ENTREP2: variants seen among roughly 807,000 people sequenced by gnomAD.
ENTREP2 encodes the protein endosomal transmembrane epsin interactor 2.
the ENTREP2 span, among the ~76,000 whole-genome samples, chr15:29,252,078 A>C: frequency 6.6e-6 from 1 of 152,250 alleles, no homozygotes; most frequent in Non-Finnish European, 1.5e-5. Context: ...GTTACTAAGG[A>C]TATTTATTCC....
the ENTREP2 span, among the ~76,000 whole-genome samples, chr15:29,475,578 G>T: frequency 1.3e-5 from 2 of 152,162 alleles, no homozygotes; most frequent in African/African-American, 4.8e-5. Context: ...GGAGGAGTAG[G>T]GGGCGAGGGG....
chr15:29,269,126 T>C, the ENTREP2 span: 1 of 1,614,134 alleles, frequency 6.2e-7, no homozygotes, highest in Non-Finnish European at 8.5e-7. Flanking sequence ...TCAGTTTCCT[T>C]GATGGTGTTG....
the ENTREP2 span, among the ~76,000 whole-genome samples, chr15:29,458,531 T>TC: frequency 6.6e-6 from 1 of 151,960 alleles, no homozygotes; most frequent in African/African-American, 2.4e-5. Context: ...TCTCAAAGCC[T>TC]CCCTGCCCCT....
chr15:29,320,658 G>C, the ENTREP2 span, among the ~76,000 whole-genome samples: 1 of 152,178 alleles, frequency 6.6e-6, no homozygotes, highest in Non-Finnish European at 1.5e-5. Flanking sequence ...GAACAGATGG[G>C]TGGTATAAGC....
the ENTREP2 span, among the ~76,000 whole-genome samples, chr15:29,507,303 T>G: frequency 1.3e-5 from 2 of 152,166 alleles, no homozygotes; most frequent in African/African-American, 4.8e-5. Context: ...CATGCAGTAA[T>G]AGTGGGAGAA....
the ENTREP2 span, among the ~76,000 whole-genome samples, chr15:29,433,759 C>T: frequency 3.8e-4 from 53 of 139,956 alleles, no homozygotes; most frequent in African/African-American, 1.4e-3. Flanking sequence ...CTCTCAGACA[C>T]CAAACACAGA....
At chr15:29,547,769 C>T in the ENTREP2 span, among the ~76,000 whole-genome samples, 2 of 152,144 alleles carry the variant, frequency 1.3e-5, no homozygotes, top group Non-Finnish European at 2.9e-5. Flanking sequence ...AATCGGGGTC[C>T]AAGAGAGATA....
At chr15:29,235,032 C>A in the ENTREP2 span, 2 of 1,203,774 alleles carry the variant, frequency 1.7e-6, no homozygotes, top group East Asian at 2.3e-5. Flanking sequence ...TAGATAAATT[C>A]TCTTCTTCCC....
chr15:29,384,795 T>C, the ENTREP2 span, among the ~76,000 whole-genome samples: 1 of 151,974 alleles, frequency 6.6e-6, no homozygotes, highest in Admixed American at 6.6e-5. Context: ...ACTCTTCTTA[T>C]CCCTCAAGTT....
At chr15:29,567,453 T>G in the ENTREP2 span, among the ~76,000 whole-genome samples, 1 of 152,210 alleles carries the variant, frequency 6.6e-6, no homozygotes, top group Non-Finnish European at 1.5e-5. Context: ...TTAGCAGGAG[T>G]TTGGCCTCTA....
chr15:29,394,489 A>G, the ENTREP2 span, among the ~76,000 whole-genome samples: 4 of 152,346 alleles, frequency 2.6e-5, no homozygotes, highest in East Asian at 7.7e-4. Context: ...ACAGACCTGT[A>G]AAGAACAGAA....
the ENTREP2 span, among the ~76,000 whole-genome samples, chr15:29,244,244 T>TGAGG: frequency 6.6e-5 from 10 of 152,330 alleles, no homozygotes; most frequent in East Asian, 1.9e-3. Flanking sequence ...ACATGCATCT[T>TGAGG]GATTAAAAAA....
chr15:29,437,286 GA>G, the ENTREP2 span, among the ~76,000 whole-genome samples: 30 of 150,936 alleles, frequency 2.0e-4, no homozygotes, highest in South Asian at 4.4e-3. Context: ...CACATTTAAA[GA>G]AAAAAAACAT....
At chr15:29,136,356 C>T in the ENTREP2 span, 1 of 1,491,680 alleles carries the variant, frequency 6.7e-7, no homozygotes, top group Admixed American at 2.6e-5. Context: ...TCTGGGGCCC[C>T]AGGCCTCACC....
At chr15:29,236,462 A>G in the ENTREP2 span, among the ~76,000 whole-genome samples, 2 of 152,186 alleles carry the variant, frequency 1.3e-5, no homozygotes, top group Non-Finnish European at 2.9e-5. Context: ...CCTGGGCAAC[A>G]TAGTGAGACT....
the ENTREP2 span, among the ~76,000 whole-genome samples, chr15:29,154,338 G>T: frequency 2.0e-5 from 3 of 151,852 alleles, no homozygotes; most frequent in Admixed American, 6.6e-5. Flanking sequence ...AGATGACTAA[G>T]ATCATGAAAG....
the ENTREP2 span, among the ~76,000 whole-genome samples, chr15:29,146,275 G>T: frequency 1.3e-5 from 2 of 152,094 alleles, no homozygotes; most frequent in African/African-American, 4.8e-5. Flanking sequence ...CAAAATCCCG[G>T]GTGGATTGTT....
chr15:29,280,739 C>T, the ENTREP2 span, among the ~76,000 whole-genome samples: 1 of 152,164 alleles, frequency 6.6e-6, no homozygotes, highest in East Asian at 1.9e-4. Context: ...GCCGGGGAAC[C>T]GCCATGGGAA....
At chr15:29,138,613 G>A in the ENTREP2 span, among the ~76,000 whole-genome samples, 1 of 128,032 alleles carries the variant, frequency 7.8e-6, no homozygotes, top group South Asian at 2.5e-4. Flanking sequence ...GTGTGTGTTT[G>A]TATGTATGTG....
Sources: allele counts gnomAD v4.1 joint callset (sites outside exome capture counted in the v4.1 genomes callset), GRCh38; gene constraint gnomAD v4.1.1; transcripts MANE v1.5; gene names NCBI Gene and HGNC (gene_info 2026-07-23, HGNC 2026-07-21).